The following AP1AR variants were observed in gnomAD, a reference collection of about 807,000 sequenced individuals.
The protein encoded by AP1AR is adaptor related protein complex 1 associated regulatory protein.
Under a neutral mutation model 46.3 loss-of-function variants are expected in AP1AR, and 29 were observed. The observed-to-expected ratio is 0.63, with a 90% CI of 0.47 to 0.85. AP1AR has a LOEUF of 0.85. AP1AR is among the 40% of genes least tolerant of loss of function. The probability of loss-of-function intolerance (pLI) is 0.00; values close to 1 mark genes in which losing one functional copy is unlikely to be tolerated. For missense variants in AP1AR, 357 were observed against 356.3 expected (o/e 1.00, Z -0.02); for synonymous variants, 122 against 122.9 (o/e 0.99, Z 0.05).
rs1482981355 is a variant in AP1AR at position 112,267,123 on chromosome 4, C to A, written c.643+407C>A. On this transcript the variant is annotated intron_variant, in intron 9 of 9. Transcript: ENST00000274000. ...ATTAGTATCTAGCTCATATTTTTTT[C>A]TTATCTATAGAAATAACTTGTTTTA... Among the ~76,000 whole-genome samples, 4 of 151,688 alleles carry A rather than the reference C, an allele frequency of 2.6e-5. No homozygotes were observed. In the East Asian group the frequency reaches 7.7e-4, roughly 29 times the overall value.
At chr4:112,243,780 T>C (rs1026804867) in intron 1 of AP1AR, among the ~76,000 whole-genome samples, 10 of 152,202 alleles carry the variant, frequency 6.6e-5, no homozygotes, top group South Asian at 2.1e-4. Flanking sequence ...TTTGTACACA[T>C]GTGCAGAAGA....
At position 112,269,532 on chromosome 4, in the gene AP1AR, T is replaced by C; in HGVS notation, c.*1123T>C. ...ATTTTGCTGAGGATTTGGTATGATT[T>C]TAGTAAGCAAACTGTTTTTTGGTTT... is the stretch of plus-strand genomic sequence containing the variant. On this transcript the variant is annotated 3_prime_UTR_variant, in exon 10 of 10. Coordinates refer to ENST00000274000, the MANE Select transcript of AP1AR (RefSeq NM_018569.6). 6.6e-6 allele frequency: 1 copy of C among 152,500 alleles called. No homozygotes were observed. The highest frequency in any genetic ancestry group is 1.9e-4 in the East Asian group (1 of 5,202). 9.4% of individuals were successfully genotyped at this position (152,500 alleles called of 1,614,324 possible). A position where few individuals can be genotyped will look rare whatever the true frequency, so the allele number is the denominator to read the frequency against.
At chr4:112,267,569 T>C (rs1053878516) in intron 9 of AP1AR, among the ~76,000 whole-genome samples, 19 of 151,908 alleles carry the variant, frequency 1.3e-4, no homozygotes, top group African/African-American at 4.3e-4. Flanking sequence ...TTCACCACTT[T>C]TTAGCTGTGT....
chr4:112,239,144 C>T (rs946370305), intron 1 of AP1AR, among the ~76,000 whole-genome samples: 4 of 152,254 alleles, frequency 2.6e-5, no homozygotes, highest in African/African-American at 9.6e-5. Flanking sequence ...CCTCCTGATA[C>T]GCCCTTTTGA....
chr4:112,266,597 C>T lies in AP1AR; in HGVS notation c.524C>T (p.Ser175Leu). The T allele has an allele frequency of 6.2e-7, 1 of 1,609,894 alleles. No individual in the cohort carries two copies. Among genetic ancestry groups the T allele is most frequent in the Non-Finnish European group, 8.5e-7 (1 of 1,177,400 alleles). ...TTCGTGTATATTCTAGGACTCTCAT[C>T]AGATGCTACAGTTTTGACACCAAAT... ...YEVFRSSRLS[S>L]DATVLTPNTE... is the part of the protein sequence containing the mutation. Residue 175 changes from serine to leucine, a missense_variant, in exon 9 of 10, where the codon TCA (serine) becomes TTA (leucine). Transcript: ENST00000274000.
intron 1 of AP1AR, among the ~76,000 whole-genome samples, chr4:112,251,672 G>T (rs1431213788): frequency 6.6e-6 from 1 of 152,214 alleles, no homozygotes; most frequent in African/African-American, 2.4e-5. Context: ...CCAGAACCCA[G>T]TGCTACTACT....
intron 1 of AP1AR, among the ~76,000 whole-genome samples, chr4:112,248,059 A>G (rs1299358408): frequency 6.6e-6 from 1 of 152,236 alleles, no homozygotes; most frequent in African/African-American, 2.4e-5. Context: ...ACTCAATATA[A>G]TCAAGCTTTT....
In AP1AR at chr4:112,271,685, T is replaced by C. The variant is rs1250094917; in HGVS notation, c.*3276T>C. Among the ~76,000 whole-genome samples, 1 of 152,116 alleles carries C rather than the reference T, an allele frequency of 6.6e-6. No homozygotes were observed. The highest frequency in any genetic ancestry group is 2.4e-5 in the African/African-American group (1 of 41,420). The stretch of plus-strand genomic sequence containing the variant: ...AATGGGAGGAACAGGTTTGGGAAAG[T>C]GGGGAAAATGAAAGAGTTCTATTTG... On this transcript the variant is annotated 3_prime_UTR_variant, in exon 10 of 10. Transcript: ENST00000274000.
rs1018869918 is a variant in AP1AR at position 112,231,978 on chromosome 4, C to T, written c.-114C>T. ...ACGCCGCCGGGCTCTGGCCGGCCCG[C>T]CCTCGGTCCTTGAACCCCATTTCGG... is the stretch of plus-strand genomic sequence containing the variant. On this transcript the variant is annotated 5_prime_UTR_variant, in exon 1 of 10. Transcript: ENST00000274000. 4 of 1,014,346 alleles carry T rather than the reference C, an allele frequency of 3.9e-6. No homozygotes were observed. The African/African-American group carries it at 5.0e-5, about 13-fold the overall frequency. The allele number at this position is 1,014,346 out of a possible 1,614,324, so 62.8% of individuals were successfully genotyped here.
intron 5 of AP1AR, among the ~76,000 whole-genome samples, chr4:112,261,413 T>C (rs1045527538): frequency 6.6e-6 from 1 of 151,420 alleles, no homozygotes; most frequent in East Asian, 2.0e-4. Flanking sequence ...GCCTGGGCAG[T>C]AGAGTGAGAC....
chr4:112,248,090 A>G (rs1380445391), intron 1 of AP1AR, among the ~76,000 whole-genome samples: 1 of 152,242 alleles, frequency 6.6e-6, no homozygotes, highest in Non-Finnish European at 1.5e-5. Context: ...ACTAAAATGC[A>G]GGAAATACAG....
At chr4:112,245,551 T>C (rs1432794760) in intron 1 of AP1AR, among the ~76,000 whole-genome samples, 1 of 152,208 alleles carries the variant, frequency 6.6e-6, no homozygotes, top group East Asian at 1.9e-4. Context: ...GCCTTTAAAA[T>C]TCAGACTAGC....
chr4:112,272,703 G>C lies in AP1AR; in HGVS notation c.*4294G>C, dbSNP rs1478490463. Among the ~76,000 whole-genome samples the C allele has an allele frequency of 6.6e-6, 1 of 152,056 alleles. No homozygotes were observed. The highest frequency in any genetic ancestry group is 2.4e-5 in the African/African-American group (1 of 41,384). ...TTTGCTTCAATAAACTCTTGTTTCT[G>C]CCTTAAATATAATTCTGTCTCTTGG... On this transcript the variant is annotated 3_prime_UTR_variant, in exon 10 of 10. Transcript: ENST00000274000.
At chr4:112,238,821 G>C (rs17044330) in intron 1 of AP1AR, among the ~76,000 whole-genome samples, 1 of 152,126 alleles carries the variant, frequency 6.6e-6, no homozygotes. Flanking sequence ...CCACTTATCT[G>C]TCAAACATAA....
rs1182311207 is a variant in AP1AR, at chr4:112,231,879, G to T, written c.-213G>T. 5.0e-6 allele frequency: 2 copies of T among 402,226 alleles called. No individual in the cohort carries two copies. Among genetic ancestry groups the T allele is most frequent in the Non-Finnish European group, 8.7e-6 (2 of 229,526 alleles). The allele number at this position is 402,226 out of a possible 1,614,324, so 24.9% of individuals were successfully genotyped here. A position where few individuals can be genotyped will look rare whatever the true frequency, so the allele number is the denominator to read the frequency against. ...GCCCGGTGCTCCTCCCTCGCGCAGC[G>T]GTGGCTCTGCGGCCGCTGGAGTAAA... On this transcript the variant is annotated 5_prime_UTR_variant, in exon 1 of 10. Coordinates refer to ENST00000274000, the MANE Select transcript of AP1AR (RefSeq NM_018569.6).
Position 112,273,030 on chromosome 4 carries a change from A to C in AP1AR, c.*4621A>C, listed in dbSNP as rs1187342546. ...ATTGTCTGACAGTAAAGGAGTTCAC[A>C]AAAGAAATCTGAGATTCCACATTGA... is the stretch of plus-strand genomic sequence containing the variant. On this transcript the variant is annotated 3_prime_UTR_variant, in exon 10 of 10. Coordinates refer to ENST00000274000, the MANE Select transcript of AP1AR (RefSeq NM_018569.6). The C allele has an allele frequency of 6.6e-6, 1 of 152,244 alleles. No homozygotes were observed. Among genetic ancestry groups the C allele is most frequent in the Admixed American group, 6.5e-5 (1 of 15,284 alleles). The allele number at this position is 152,244 out of a possible 1,614,324, so 9.4% of individuals were successfully genotyped here.
rs554122151 is a variant in AP1AR at position 112,270,644 on chromosome 4, G to A, written c.*2235G>A. Among the ~76,000 whole-genome samples the A allele has an allele frequency of 2.6e-5, 4 of 152,268 alleles. No homozygotes were observed. The highest frequency in any genetic ancestry group is 3.9e-4 in the East Asian group (2 of 5,188). On this transcript the variant is annotated 3_prime_UTR_variant, in exon 10 of 10. Transcript: ENST00000274000. The stretch of plus-strand genomic sequence containing the variant: ...GAAGCATGTTATAAGCAAAGGGAAC[G>A]GCAAGTACAAAGTACCTGAGGTGGG...
chr4:112,246,380 C>T (rs1725728215), intron 1 of AP1AR, among the ~76,000 whole-genome samples: 1 of 152,176 alleles, frequency 6.6e-6, no homozygotes, highest in African/African-American at 2.4e-5. Context: ...GTGGTGCACG[C>T]CTGTAGGCCC....
At chr4:112,257,748 A>G in intron 3 of AP1AR, 24 bp from the exon 4 acceptor site, 1 of 1,530,738 alleles carries the variant, frequency 6.5e-7, no homozygotes, top group Non-Finnish European at 8.8e-7. Flanking sequence ...ATTTGTTTTA[A>G]TTGTTTAATT....
Sources: allele counts gnomAD v4.1 joint callset (sites outside exome capture counted in the v4.1 genomes callset), GRCh38; gene constraint gnomAD v4.1.1; transcripts MANE v1.5; gene names NCBI Gene and HGNC (gene_info 2026-07-23, HGNC 2026-07-21).